CCSER2: variants seen among roughly 807,000 people sequenced by gnomAD.
CCSER2 encodes the protein coiled-coil serine rich protein 2, also known as serine-rich coiled-coil domain-containing protein 2.
In CCSER2, 46 loss-of-function variants were observed where a neutral mutation model predicts 92.3. That is an observed-to-expected ratio of 0.50 (90% CI 0.39 to 0.64). CCSER2 has a LOEUF of 0.64. Ranked by LOEUF, CCSER2 falls within the 30% of genes least tolerant of loss-of-function variation. The probability of loss-of-function intolerance (pLI) is 0.00; values close to 1 mark genes in which losing one functional copy is unlikely to be tolerated. For missense variants in CCSER2, 1,244 were observed against 1,238.9 expected, an observed-to-expected ratio of 1.00 and a Z score of -0.06; for synonymous variants, 433 against 431.4, an observed-to-expected ratio of 1.00 and a Z score of -0.04.
At chr10:84,487,751 G>A (rs1022953695) in intron 9 of CCSER2, among the ~76,000 whole-genome samples, 8 of 152,058 alleles carry the variant, frequency 5.3e-5, no homozygotes, top group Non-Finnish European at 1.0e-4. Flanking sequence ...CTGCCTGATT[G>A]CCCTGGCCAG....
chr10:84,380,591 T>C (rs1050481287), intron 3 of CCSER2, among the ~76,000 whole-genome samples: 6 of 152,182 alleles, frequency 3.9e-5, no homozygotes, highest in Admixed American at 2.0e-4. Context: ...AGAGAGATGT[T>C]ATTGCATAAT....
intron 8 of CCSER2, 76 bp from the exon 9 acceptor site, chr10:84,477,499 C>T: frequency 7.1e-6 from 5 of 700,534 alleles, no homozygotes; most frequent in South Asian, 2.1e-5. Context: ...TATGTGTTTT[C>T]CTAAAGTTTC....
At chr10:84,458,316 G>C (rs1349382814) in intron 6 of CCSER2, among the ~76,000 whole-genome samples, 3 of 152,096 alleles carry the variant, frequency 2.0e-5, no homozygotes, top group African/African-American at 7.2e-5. Flanking sequence ...GTAGTGTTTT[G>C]CCTTTGTAAT....
At chr10:84,442,448 A>T (rs1227339133) in intron 6 of CCSER2, among the ~76,000 whole-genome samples, 2 of 152,218 alleles carry the variant, frequency 1.3e-5, no homozygotes, top group Non-Finnish European at 2.9e-5. Flanking sequence ...AAAGTAGGTT[A>T]TAAGGCTGTA....
intron 1 of CCSER2, among the ~76,000 whole-genome samples, chr10:84,330,545 C>G (rs1382564152): frequency 6.6e-6 from 1 of 152,152 alleles, no homozygotes; most frequent in Non-Finnish European, 1.5e-5. Flanking sequence ...CAGAGTCTTG[C>G]ACTGTGGCCT....
intron 3 of CCSER2, among the ~76,000 whole-genome samples, chr10:84,413,262 T>C (rs1347631340): frequency 6.6e-6 from 1 of 152,208 alleles, no homozygotes; most frequent in African/African-American, 2.4e-5. Flanking sequence ...TTGAGATCTT[T>C]CTAGCTCTTT....
At position 84,513,764 on chromosome 10, in the gene CCSER2, A is replaced by G. The variant is rs1166697762; in HGVS notation, c.2641A>G (p.Met881Val). 1.3e-6 allele frequency: 2 copies of G among 1,536,932 alleles called. No homozygotes were observed. The highest frequency in any genetic ancestry group is 1.7e-6 in the Non-Finnish European group (2 of 1,146,972). The change falls in exon 10 of 10, where the codon ATG becomes GTG. Residue 881 changes from methionine to valine, a missense_variant. By Grantham distance (21) the Met-to-Val change is conservative (BLOSUM62 1). Coordinates refer to ENST00000372088, the MANE Select transcript of CCSER2 (RefSeq NM_001284240.2). ...YHLANNQISD[M>V]QFIPTSLQTP... Reference sequence around the variant, plus strand: ...TTTGGCAAACAATCAAATTAGTGACATGCAGTTTATACCCACTTCTCTTCA... The same window carrying G: ...TTTGGCAAACAATCAAATTAGTGACGTGCAGTTTATACCCACTTCTCTTCA...
chr10:84,368,312 T>G (rs559900745), intron 1 of CCSER2, among the ~76,000 whole-genome samples: 1 of 152,286 alleles, frequency 6.6e-6, no homozygotes, highest in African/African-American at 2.4e-5. Context: ...TGTCCGCTAC[T>G]TTTTAAACTT....
At chr10:84,339,446 G>A (rs1175540919) in intron 1 of CCSER2, among the ~76,000 whole-genome samples, 1 of 151,108 alleles carries the variant, frequency 6.6e-6, no homozygotes, top group Non-Finnish European at 1.5e-5. Flanking sequence ...CTCTGCTTTT[G>A]CACATACTAT....
At chr10:84,340,034 G>C (rs921829138) in intron 1 of CCSER2, among the ~76,000 whole-genome samples, 1 of 151,552 alleles carries the variant, frequency 6.6e-6, no homozygotes, top group Admixed American at 6.6e-5. Flanking sequence ...GCAGAGGCGG[G>C]GTTTCACTAT....
chr10:84,457,306 GTTATATATAATATATTATATATAATATA>G (rs1564684959), intron 6 of CCSER2, among the ~76,000 whole-genome samples: 3 of 35,444 alleles, frequency 8.5e-5, no homozygotes, highest in African/African-American at 3.1e-4. Flanking sequence ...TATATAATAT[GTTATATATAATATATTATATATAATATA>G]TTATATATTA....
intron 3 of CCSER2, among the ~76,000 whole-genome samples, chr10:84,379,658 G>T (rs1205127136): frequency 1.3e-5 from 2 of 152,026 alleles, no homozygotes; most frequent in African/African-American, 4.8e-5. Flanking sequence ...AAGGCATGTT[G>T]TATAGGCCAT....
At chr10:84,391,502 A>C (rs1841517407) in intron 3 of CCSER2, 1 of 1,536,054 alleles carries the variant, frequency 6.5e-7, no homozygotes, top group South Asian at 1.1e-5. Context: ...AGCTGATTTC[A>C]TGCCAATACT....
intron 4 of CCSER2, among the ~76,000 whole-genome samples, chr10:84,420,808 C>T (rs1486989591): frequency 6.6e-6 from 1 of 151,810 alleles, no homozygotes; most frequent in East Asian, 1.9e-4. Flanking sequence ...AGGCACGTGC[C>T]TGTAGTCTCA....
chr10:84,360,694 C>G (rs919885543), intron 1 of CCSER2, among the ~76,000 whole-genome samples: 5 of 152,108 alleles, frequency 3.3e-5, no homozygotes, highest in Non-Finnish European at 5.9e-5. Context: ...AATTCCAGAT[C>G]GGCAGAATCA....
intron 4 of CCSER2, 98 bp downstream of exon 4, chr10:84,417,959 T>C (rs1842961676): frequency 2.9e-6 from 2 of 700,410 alleles, no homozygotes; most frequent in Non-Finnish European, 5.3e-6. Context: ...TTAATCTTAA[T>C]GGAGCCTTTC....
At chr10:84,332,591 A>G (rs532923863) in intron 1 of CCSER2, among the ~76,000 whole-genome samples, 2 of 151,214 alleles carry the variant, frequency 1.3e-5, no homozygotes, top group Admixed American at 6.6e-5. Flanking sequence ...GGCACGCGCC[A>G]CCACGCCTGC....
intron 1 of CCSER2, among the ~76,000 whole-genome samples, chr10:84,342,762 C>T (rs1343317059): frequency 6.6e-6 from 1 of 152,154 alleles, no homozygotes; most frequent in African/African-American, 2.4e-5. Flanking sequence ...TTCACAGAAA[C>T]TGTATCTATC....
intron 1 of CCSER2, among the ~76,000 whole-genome samples, chr10:84,343,357 C>G (rs1363633451): frequency 6.6e-6 from 1 of 152,186 alleles, no homozygotes; most frequent in African/African-American, 2.4e-5. Context: ...TGAGGTATCT[C>G]TTCTCTCTTC....
Sources: allele counts gnomAD v4.1 joint callset (sites outside exome capture counted in the v4.1 genomes callset), GRCh38; gene constraint gnomAD v4.1.1; transcripts MANE v1.5; gene names NCBI Gene and HGNC (gene_info 2026-07-23, HGNC 2026-07-21).